The following CYP19A1 variants were observed in gnomAD, a reference collection of about 807,000 sequenced individuals.
CYP19A1 encodes aromatase.
CYP19A1 carries 32 observed loss-of-function variants against 44.4 expected under a neutral mutation model. The observed-to-expected ratio is 0.72, with a 90% CI of 0.54 to 0.97. The LOEUF is 0.97. CYP19A1 is among the 50% of genes least tolerant of loss of function. The pLI, the probability that CYP19A1 is intolerant of heterozygous loss-of-function variation, is 0.00. For synonymous variants in CYP19A1, 212 were observed against 215.6 expected (o/e 0.98, Z 0.14); for missense variants, 598 against 637.8 (o/e 0.94, Z 0.67).
intron 1 of CYP19A1, among the ~76,000 whole-genome samples, chr15:51,275,293 A>G (rs2035267702): frequency 6.6e-6 from 1 of 152,230 alleles, no homozygotes; most frequent in Non-Finnish European, 1.5e-5. Flanking sequence ...CAGCCTTGAA[A>G]ACACAGGACC....
At chr15:51,218,271 T>C (rs907660927) in intron 6 of CYP19A1, among the ~76,000 whole-genome samples, 24 of 152,280 alleles carry the variant, frequency 1.6e-4, no homozygotes, top group African/African-American at 3.8e-4. Flanking sequence ...AATACACTAG[T>C]GTCCTAGTTA....
chr15:51,275,300 G>A (rs1282528374), intron 1 of CYP19A1, among the ~76,000 whole-genome samples: 1 of 152,176 alleles, frequency 6.6e-6, no homozygotes. Context: ...GAAAACACAG[G>A]ACCTGAGTCA....
intron 2 of CYP19A1, among the ~76,000 whole-genome samples, chr15:51,241,115 T>C (rs935822676): frequency 6.6e-6 from 1 of 152,216 alleles, no homozygotes; most frequent in East Asian, 1.9e-4. Context: ...ATCAGCATGA[T>C]GGCCCTGGCC....
chr15:51,227,699 T>TAAATAAATAAATAAAA (rs1310408443), intron 4 of CYP19A1, 80 bp downstream of exon 4: 9 of 427,670 alleles, frequency 2.1e-5, no homozygotes, highest in Non-Finnish European at 3.4e-5. Flanking sequence ...AATAAATAAA[T>TAAATAAATAAATAAAA]AAAATATTTT....
chr15:51,268,408 T>C (rs1030248830), intron 1 of CYP19A1, among the ~76,000 whole-genome samples: 1 of 152,242 alleles, frequency 6.6e-6, no homozygotes, highest in African/African-American at 2.4e-5. Flanking sequence ...AGTTTCATTC[T>C]TATTGTTCAT....
intron 1 of CYP19A1, among the ~76,000 whole-genome samples, chr15:51,260,461 T>C (rs909547129): frequency 5.9e-5 from 9 of 152,216 alleles, no homozygotes; most frequent in African/African-American, 2.2e-4. Flanking sequence ...AAGAGGTTAA[T>C]TGGAACCAGC....
chr15:51,289,155 A>T (rs1566913418), intron 1 of CYP19A1, among the ~76,000 whole-genome samples: 2 of 151,894 alleles, frequency 1.3e-5, no homozygotes, highest in Non-Finnish European at 2.9e-5. Context: ...AGACAATCCT[A>T]CTCCCTGTGG....
rs1438595172 is a variant in CYP19A1 at position 51,294,227 on chromosome 15, C to A, written c.-39+44268G>T. Reference sequence around the variant, plus strand: ...GGCTGCCATCCCATCTAGGAAGTGACGAGCGCCTCTTCCCGGCCACCATCC... The same window carrying A: ...GGCTGCCATCCCATCTAGGAAGTGAAGAGCGCCTCTTCCCGGCCACCATCC... On this transcript the variant is annotated intron_variant, in intron 1 of 9. Coordinates refer to ENST00000396402, the MANE Select transcript of CYP19A1 (RefSeq NM_000103.4). Among the ~76,000 whole-genome samples, 2 of 126,956 alleles carry A rather than the reference C, an allele frequency of 1.6e-5. 1 individual carries two copies. The highest frequency in any genetic ancestry group is 4.7e-4 in the East Asian group (2 of 4,294). 83.3% of individuals were successfully genotyped at this position (126,956 alleles called of 152,430 possible).
chr15:51,291,673 A>G (rs974143527), intron 1 of CYP19A1, among the ~76,000 whole-genome samples: 2 of 152,220 alleles, frequency 1.3e-5, no homozygotes, highest in African/African-American at 4.8e-5. Flanking sequence ...AGGACTGGAC[A>G]TAGATGAGAC....
intron 3 of CYP19A1, among the ~76,000 whole-genome samples, chr15:51,235,170 G>T (rs2033309435): frequency 6.6e-6 from 1 of 152,168 alleles, no homozygotes; most frequent in South Asian, 2.1e-4. Flanking sequence ...TATCAAGAAC[G>T]TATCATAGTC....
At chr15:51,270,629 C>T (rs897608001) in intron 1 of CYP19A1, among the ~76,000 whole-genome samples, 1 of 152,182 alleles carries the variant, frequency 6.6e-6, no homozygotes, top group Non-Finnish European at 1.5e-5. Flanking sequence ...AAGGAAACCA[C>T]TGTGTGAGAT....
At chr15:51,315,977 G>A (rs1055395470) in intron 1 of CYP19A1, 1 of 152,182 alleles carries the variant, frequency 6.6e-6, no homozygotes, top group African/African-American at 2.4e-5. Context: ...CCGAGTGACA[G>A]TTAGCAGAAC....
chr15:51,212,143 G>A lies in CYP19A1; in HGVS notation c.1263+177C>T, dbSNP rs543460372. 8 of 660,390 alleles carry A rather than the reference G, an allele frequency of 1.2e-5. 1 individual carries two copies. The South Asian group carries it at 1.4e-4, about 11-fold the overall frequency. 40.9% of individuals were successfully genotyped at this position (660,390 alleles called of 1,614,324 possible). ...GGAGACCCAACATCCTTGAAGGCTT[G>A]AGGATGAATACGGGAGCCCTGCTCC... is the stretch of plus-strand genomic sequence containing the variant. On this transcript the variant is annotated intron_variant, in intron 9 of 9. Coordinates refer to ENST00000396402, the MANE Select transcript of CYP19A1 (RefSeq NM_000103.4).
rs28757207 is a variant in CYP19A1, at chr15:51,210,700, T to C, written c.*108A>G. On this transcript the variant is annotated 3_prime_UTR_variant, in exon 10 of 10. Transcript: ENST00000396402. ...TAGGAGGTATGCCTATAAAATGCCA[T>C]GGGCCACTGAGTGTTCACTGTGAGG... is the stretch of plus-strand genomic sequence containing the variant. 1.2e-3 allele frequency: 967 copies of C among 821,872 alleles called. 11 individuals are homozygous for C. The East Asian group carries it at 0.023, about 19-fold the overall frequency. 50.9% of individuals were successfully genotyped at this position (821,872 alleles called of 1,614,324 possible). A position where few individuals can be genotyped will look rare whatever the true frequency, so the allele number is the denominator to read the frequency against.
intron 1 of CYP19A1, among the ~76,000 whole-genome samples, chr15:51,337,248 T>C (rs747523628): frequency 1.9e-4 from 29 of 152,086 alleles, no homozygotes; most frequent in Non-Finnish European, 3.7e-4. Context: ...ACTGAAGAAA[T>C]AGGATGTGGA....
intron 1 of CYP19A1, among the ~76,000 whole-genome samples, chr15:51,262,828 A>G (rs956989609): frequency 3.3e-5 from 5 of 152,184 alleles, no homozygotes; most frequent in Non-Finnish European, 7.3e-5. Flanking sequence ...ATTGGGTAGG[A>G]ATTGACATTG....
intron 1 of CYP19A1, among the ~76,000 whole-genome samples, chr15:51,305,992 CA>C (rs1244063746): frequency 6.6e-6 from 1 of 152,048 alleles, no homozygotes; most frequent in African/African-American, 2.4e-5. Context: ...AGCTGGGAAG[CA>C]AAAAAGCACC....
chr15:51,333,724 C>G (rs1415458631), intron 1 of CYP19A1, among the ~76,000 whole-genome samples: 3 of 152,136 alleles, frequency 2.0e-5, no homozygotes, highest in East Asian at 3.9e-4. Flanking sequence ...CGGGGCCACT[C>G]CTCTGGTCCC....
chr15:51,325,638 G>A (rs2036594930), intron 1 of CYP19A1, among the ~76,000 whole-genome samples: 2 of 152,214 alleles, frequency 1.3e-5, no homozygotes, highest in Admixed American at 6.5e-5. Context: ...AGTAGATCAA[G>A]ACCATCCTGG....
Sources: allele counts gnomAD v4.1 joint callset (sites outside exome capture counted in the v4.1 genomes callset), GRCh38; gene constraint gnomAD v4.1.1; transcripts MANE v1.5; gene names NCBI Gene and HGNC (gene_info 2026-07-23, HGNC 2026-07-21).